Variants in ANKHD1 observed in about 807,000 individuals in gnomAD.
ANKHD1 encodes the protein ankyrin repeat and KH domain containing 1.
In ANKHD1, 31 loss-of-function variants were observed where a neutral mutation model predicts 230.5. The observed-to-expected ratio is 0.13, with a 90% CI of 0.10 to 0.18. The LOEUF is 0.18. Ranked by LOEUF, ANKHD1 falls within the 10% of genes least tolerant of loss-of-function variation. The probability of loss-of-function intolerance (pLI) is 1.00; values close to 1 mark genes in which losing one functional copy is unlikely to be tolerated. For missense variants in ANKHD1, 2,256 were observed against 3,071.3 expected, an observed-to-expected ratio of 0.73 and a Z score of 6.27; for synonymous variants, 1,074 against 1,117.6, an observed-to-expected ratio of 0.96 and a Z score of 0.78.
chr5:140,493,750 T>C (rs1361323292), intron 14 of ANKHD1, among the ~76,000 whole-genome samples: 3 of 152,218 alleles, frequency 2.0e-5, no homozygotes, highest in Non-Finnish European at 4.4e-5. Flanking sequence ...TAATGCTACA[T>C]ACGTTCTGGG....
intron 10 of ANKHD1, among the ~76,000 whole-genome samples, chr5:140,481,483 AT>A (rs1054186062): frequency 8.2e-4 from 124 of 151,678 alleles, no homozygotes; most frequent in Middle Eastern, 3.4e-3. Flanking sequence ...CACTGTCAAG[AT>A]TTTTTTTTAA....
chr5:140,436,572 C>T (rs549587557), intron 2 of ANKHD1, among the ~76,000 whole-genome samples: 13 of 152,026 alleles, frequency 8.6e-5, no homozygotes, highest in East Asian at 1.9e-4. Context: ...TGATGAAACC[C>T]TGTCTCTACT....
intron 24 of ANKHD1, among the ~76,000 whole-genome samples, chr5:140,517,016 C>T (rs1368571137): frequency 2.0e-5 from 3 of 150,994 alleles, no homozygotes; most frequent in Non-Finnish European, 4.4e-5. Context: ...AGAGTCAAGA[C>T]CCATCAGTGT....
In ANKHD1 at chr5:140,528,362, G is replaced by A. The variant is rs928603593; in HGVS notation, c.5416G>A (p.Ala1806Thr). The change falls in exon 29 of 34, where the codon GCA becomes ACA. Residue 1806 changes from alanine to threonine, a missense_variant. Physicochemically the swap from Ala to Thr is moderately conservative, Grantham distance 58. Coordinates refer to ENST00000360839, the MANE Select transcript of ANKHD1 (RefSeq NM_017747.3). The part of the protein sequence containing the change: ...VGTTAASSKN[A>T]FPLGAPTLVT... ...TACCACAGCAGCTTCCAGTAAAAATGCATTTCCTTTGGGTGCTCCAACTCT... is the reference window on the plus strand; with the variant it reads ...TACCACAGCAGCTTCCAGTAAAAATACATTTCCTTTGGGTGCTCCAACTCT... The A allele has an allele frequency of 8.7e-6, 14 of 1,614,042 alleles. No homozygotes were observed. The Admixed American group carries it at 2.3e-4, about 27-fold the overall frequency.
At chr5:140,446,016 AC>A in intron 6 of ANKHD1, 41 bp downstream of exon 6, 1 of 1,500,496 alleles carries the variant, frequency 6.7e-7, no homozygotes. Flanking sequence ...GTTTTTCGTA[AC>A]CACTTTGATT....
At chr5:140,451,525 GT>G (rs2126946285) in intron 7 of ANKHD1, among the ~76,000 whole-genome samples, 1 of 152,002 alleles carries the variant, frequency 6.6e-6, no homozygotes, top group South Asian at 2.1e-4. Flanking sequence ...ATTCTTTTTT[GT>G]TTTTGAGACA....
At chr5:140,438,684 T>C in intron 3 of ANKHD1, 67 bp downstream of exon 3, 2 of 1,464,522 alleles carry the variant, frequency 1.4e-6, no homozygotes, top group Admixed American at 2.4e-5. Context: ...GTAGCCAATT[T>C]TGGTTAAATA....
chr5:140,449,305 G>T lies in ANKHD1; in HGVS notation c.1242G>T (p.Met414Ile). 6.2e-7 allele frequency: 1 copy of T among 1,610,586 alleles called. No individual in the cohort carries two copies. The highest frequency in any genetic ancestry group is 1.1e-5 in the South Asian group (1 of 90,662). Residue 414 changes from methionine to isoleucine, a missense_variant and splice_region_variant, in exon 7 of 34, where the codon ATG becomes ATT. Physicochemically the swap from Met to Ile is conservative, Grantham distance 10. Transcript: ENST00000360839. ...ACACTGCCTTAATGGAGGCCTGCATGGTAATTTTAAATTACACTCACTTGA... is the reference window on the plus strand; with the variant it reads ...ACACTGCCTTAATGGAGGCCTGCATTGTAATTTTAAATTACACTCACTTGA... ...EMHTALMEACMDGHVEVARLL... is the reference protein window; with the variant it reads ...EMHTALMEACIDGHVEVARLL...
chr5:140,419,078 T>A (rs895005983), intron 1 of ANKHD1, among the ~76,000 whole-genome samples: 1 of 152,194 alleles, frequency 6.6e-6, no homozygotes, highest in Non-Finnish European at 1.5e-5. Context: ...CTACCAGCAA[T>A]GTACAAGAGT....
Position 140,507,750 on chromosome 5 carries a change from T to C in ANKHD1, c.3552-35T>C, listed in dbSNP as rs1298113772. On this transcript the variant is annotated intron_variant, in intron 19 of 33. Transcript: ENST00000360839. This position sits in a 1 kb window ranked among gnomAD's most constrained non-coding sequence, Gnocchi z 4.1. ...CTTTTCTAAAATAATAGGCAACATA[T>C]TATTTTAATTTTCTAAGCACATTTC... 3 of 1,602,694 alleles carry C rather than the reference T, an allele frequency of 1.9e-6. No individual in the cohort carries two copies. Among genetic ancestry groups the C allele is most frequent in the African/African-American group, 2.7e-5 (2 of 74,636 alleles).
intron 7 of ANKHD1, among the ~76,000 whole-genome samples, chr5:140,454,735 C>T (rs1340728980): frequency 6.6e-6 from 1 of 152,172 alleles, no homozygotes; most frequent in Non-Finnish European, 1.5e-5. Context: ...AAATTTATAG[C>T]ACTAAATGTC....
chr5:140,539,519 C>G lies in ANKHD1; in HGVS notation c.*101C>G. 7.5e-7 allele frequency: 1 copy of G among 1,326,552 alleles called. No individual in the cohort carries two copies. Among genetic ancestry groups the G allele is most frequent in the Non-Finnish European group, 1.0e-6 (1 of 959,060 alleles). 82.2% of individuals were successfully genotyped at this position (1,326,552 alleles called of 1,614,324 possible). ...TGTGCCTAAGAAATTTTCTCTGAGG[C>G]TTTAGCAATGGAAATTTGATTGCCC... On this transcript the variant is annotated 3_prime_UTR_variant, in exon 34 of 34. Coordinates refer to ENST00000360839, the MANE Select transcript of ANKHD1 (RefSeq NM_017747.3).
At chr5:140,449,541 A>G (rs1774542578) in intron 7 of ANKHD1, among the ~76,000 whole-genome samples, 1 of 152,104 alleles carries the variant, frequency 6.6e-6, no homozygotes, top group South Asian at 2.1e-4. Context: ...GGGTGCCTGT[A>G]GTCCCAGCTA....
chr5:140,407,073 G>A (rs1440113508), intron 1 of ANKHD1, among the ~76,000 whole-genome samples: 2 of 151,804 alleles, frequency 1.3e-5, no homozygotes, highest in Non-Finnish European at 2.9e-5. Flanking sequence ...GAGGTGGGTG[G>A]GTCACAAGAT....
chr5:140,505,614 T>C, intron 17 of ANKHD1, 110 bp from the exon 18 acceptor site: 3 of 1,430,570 alleles, frequency 2.1e-6, no homozygotes, highest in Non-Finnish European at 2.8e-6. Flanking sequence ...TCATTATCAG[T>C]GTCTGCCCTG....
chr5:140,409,587 C>A (rs1770760114), intron 1 of ANKHD1, among the ~76,000 whole-genome samples: 1 of 146,060 alleles, frequency 6.8e-6, no homozygotes. Context: ...GAGCCTTGCT[C>A]TGTCACCCAG....
At chr5:140,488,040 A>C (rs961252870) in intron 14 of ANKHD1, among the ~76,000 whole-genome samples, 1 of 152,180 alleles carries the variant, frequency 6.6e-6, no homozygotes, top group Non-Finnish European at 1.5e-5. Context: ...AGTCTCTCTG[A>C]TTTAAGCTAA....
chr5:140,457,023 C>A (rs920975970), intron 7 of ANKHD1, among the ~76,000 whole-genome samples: 2 of 151,944 alleles, frequency 1.3e-5, no homozygotes, highest in Admixed American at 1.3e-4. Flanking sequence ...AAAAAACAAC[C>A]CCATCAAAAA....
chr5:140,528,085 A>G (rs1451758089), intron 28 of ANKHD1, 63 bp downstream of exon 28: 6 of 1,588,518 alleles, frequency 3.8e-6, no homozygotes, highest in Non-Finnish European at 5.1e-6. Context: ...TACCTTTGTC[A>G]GGTATGGTAT....
Sources: allele counts gnomAD v4.1 joint callset (sites outside exome capture counted in the v4.1 genomes callset), GRCh38; gene constraint gnomAD v4.1.1; non-coding constraint Gnocchi (gnomAD v3.1); transcripts MANE v1.5; gene names NCBI Gene and HGNC (gene_info 2026-07-23, HGNC 2026-07-21).